The following DIS3L2 variants were observed in gnomAD, a reference collection of about 807,000 sequenced individuals.
The protein encoded by DIS3L2 is DIS3-like exonuclease 2.
Under a neutral mutation model 97.5 loss-of-function variants are expected in DIS3L2, and 34 were observed. The ratio of observed to expected loss-of-function variants is 0.35; its 90% CI spans 0.27 to 0.46. The LOEUF (loss-of-function observed/expected upper bound fraction) is 0.46. Ranked by LOEUF, DIS3L2 falls within the 20% of genes least tolerant of loss-of-function variation. DIS3L2 has a pLI of 1.00. For missense variants in DIS3L2, 1,038 were observed against 1,146.0 expected, an observed-to-expected ratio of 0.91 and a Z score of 1.36; for synonymous variants, 435 against 445.2, an observed-to-expected ratio of 0.98 and a Z score of 0.29.
intron 5 of DIS3L2, among the ~76,000 whole-genome samples, chr2:232,070,216 A>G (rs1695973514): frequency 6.6e-6 from 1 of 152,216 alleles, no homozygotes; most frequent in South Asian, 2.1e-4. Context: ...CAGTGAGCCA[A>G]GATCGTGCCA....
At chr2:231,989,699 G>C (rs1559519995) in intron 1 of DIS3L2, among the ~76,000 whole-genome samples, 2 of 152,144 alleles carry the variant, frequency 1.3e-5, no homozygotes, top group South Asian at 4.2e-4. Flanking sequence ...AGTGGGGTGT[G>C]GTGGTATACG....
chr2:232,155,298 T>G (rs1433882122), intron 8 of DIS3L2, among the ~76,000 whole-genome samples: 1 of 152,098 alleles, frequency 6.6e-6, no homozygotes, highest in African/African-American at 2.4e-5. Context: ...ATCAGGTCCA[T>G]CACTTCACTT....
chr2:232,018,328 C>T (rs1049140052), intron 3 of DIS3L2, among the ~76,000 whole-genome samples: 2 of 152,202 alleles, frequency 1.3e-5, no homozygotes, highest in Non-Finnish European at 2.9e-5. Flanking sequence ...GTGATTCCTT[C>T]TGGCCTGTGA....
Position 232,329,954 on chromosome 2 carries a change from G to A in DIS3L2, c.1881G>A (p.Gln627=), listed in dbSNP as rs1339574893. The change falls in exon 15 of 21, where the codon CAG becomes CAA. Residue 627 remains glutamine (Q), a synonymous_variant. Transcript: ENST00000325385. ...MLSDLVEFCD[Q]MGLPVDFSSA... ...GTGACCTGGTGGAATTCTGCGACCAGATGGGGCTGCCCGTGGACTTCAGCT... is the reference window on the plus strand; with the variant it reads ...GTGACCTGGTGGAATTCTGCGACCAAATGGGGCTGCCCGTGGACTTCAGCT... The A allele has an allele frequency of 5.6e-6, 9 of 1,613,024 alleles. No individual in the cohort carries two copies. The highest frequency in any genetic ancestry group is 5.3e-5 in the African/African-American group (4 of 74,926).
At chr2:232,228,073 T>G (rs1692694653) in intron 10 of DIS3L2, among the ~76,000 whole-genome samples, 1 of 152,126 alleles carries the variant, frequency 6.6e-6, no homozygotes, top group African/African-American at 2.4e-5. Context: ...TTCAAGCGAT[T>G]CTCCTGCCTC....
At chr2:232,134,007 A>G (rs1698289362) in intron 7 of DIS3L2, among the ~76,000 whole-genome samples, 2 of 151,318 alleles carry the variant, frequency 1.3e-5, no homozygotes, top group South Asian at 4.2e-4. Context: ...AAAAAATTAT[A>G]TAAAGGACCA....
At chr2:231,978,031 C>T (rs1351567060) in intron 1 of DIS3L2, among the ~76,000 whole-genome samples, 3 of 152,110 alleles carry the variant, frequency 2.0e-5, no homozygotes, top group Non-Finnish European at 4.4e-5. Context: ...TTGTTAACTC[C>T]TAGAAGGTGA....
In DIS3L2 at chr2:232,334,474, G is replaced by A. The variant is rs2106354412; in HGVS notation, c.2264G>A (p.Ser755Asn). The A allele has an allele frequency of 6.2e-7, 1 of 1,613,942 alleles. No individual in the cohort carries two copies. Among genetic ancestry groups the A allele is most frequent in the Non-Finnish European group, 8.5e-7 (1 of 1,180,006 alleles). ...ASKRVQELST[S>N]LFFAVLVKES... ...AAGCGCGTGCAGGAGCTCAGTACCA[G>A]TCTCTTCTTTGCTGTTCTGGTCAAG... Residue 755 changes from serine (S) to asparagine (N), a missense_variant, in exon 18 of 21, where the codon AGT becomes AAT. Physicochemically the swap from Ser to Asn is conservative, Grantham distance 46. Coordinates refer to ENST00000325385, the MANE Select transcript of DIS3L2 (RefSeq NM_152383.5).
chr2:232,330,326 T>C (rs1695698705), intron 15 of DIS3L2, among the ~76,000 whole-genome samples: 1 of 152,184 alleles, frequency 6.6e-6, no homozygotes, highest in Non-Finnish European at 1.5e-5. Context: ...CCGGGAATGT[T>C]CCTGGTGGGT....
intron 10 of DIS3L2, among the ~76,000 whole-genome samples, chr2:232,228,583 G>A (rs1204553029): frequency 6.6e-6 from 1 of 152,168 alleles, no homozygotes; most frequent in Non-Finnish European, 1.5e-5. Context: ...GAGCTTGCCT[G>A]CAAAGTGCTT....
chr2:232,136,564 C>G lies in DIS3L2; in HGVS notation c.795C>G (p.Tyr265Ter). The G allele has an allele frequency of 6.2e-7, 1 of 1,614,030 alleles. No homozygotes were observed. Among genetic ancestry groups the G allele is most frequent in the Non-Finnish European group, 8.5e-7 (1 of 1,179,978 alleles). The change falls in exon 8 of 21, where the codon TAC becomes TAG. Residue 265 changes from tyrosine (Y) to a stop codon, truncating the protein, a stop_gained. Transcript: ENST00000325385. LOFTEE classifies it high-confidence loss of function. The stretch of plus-strand genomic sequence containing the variant: ...AGAACAGCGAACTGTTTAGGAAATA[C>G]GCCCTGTTTTCTCCCTCAGACCACC... The part of the protein sequence containing the change: ...ADKNSELFRK[Y>*]ALFSPSDHRV...
chr2:231,961,801 A>G (rs925712184), intron 1 of DIS3L2, 36 bp downstream of exon 1: 1 of 152,616 alleles, frequency 6.6e-6, no homozygotes, highest in East Asian at 1.9e-4. Flanking sequence ...TGCACCGCCT[A>G]GTGCTGCACG....
At chr2:232,339,096 A>G (rs1247452659), downstream of DIS3L2, among the ~76,000 whole-genome samples, 2 of 152,208 alleles carry the variant, frequency 1.3e-5, no homozygotes, top group Non-Finnish European at 2.9e-5. Flanking sequence ...GCAGTGGCCC[A>G]GCCTGAGGAA....
chr2:232,014,352 T>A (rs1336054679), intron 1 of DIS3L2, among the ~76,000 whole-genome samples: 1 of 152,186 alleles, frequency 6.6e-6, no homozygotes. Flanking sequence ...TGACAATGAA[T>A]TAGGTTTTGT....
intron 6 of DIS3L2, among the ~76,000 whole-genome samples, chr2:232,096,620 T>G (rs1471472664): frequency 6.6e-6 from 1 of 152,162 alleles, no homozygotes; most frequent in Non-Finnish European, 1.5e-5. Flanking sequence ...TTATTCTTTT[T>G]TCTCTTGTCT....
chr2:232,116,776 T>C (rs1376070440), intron 6 of DIS3L2, among the ~76,000 whole-genome samples: 2 of 152,156 alleles, frequency 1.3e-5, no homozygotes, highest in Non-Finnish European at 2.9e-5. Context: ...ATTTTACAAT[T>C]GAAAACTGTC....
At chr2:232,135,257 G>C (rs1267596364) in intron 7 of DIS3L2, among the ~76,000 whole-genome samples, 1 of 152,162 alleles carries the variant, frequency 6.6e-6, no homozygotes, top group African/African-American at 2.4e-5. Flanking sequence ...GAGGCCAGGA[G>C]ATGATAATAA....
At chr2:232,044,944 T>C (rs958995746) in intron 5 of DIS3L2, among the ~76,000 whole-genome samples, 3 of 152,172 alleles carry the variant, frequency 2.0e-5, no homozygotes, top group Non-Finnish European at 4.4e-5. Context: ...AGAGTTGTTA[T>C]TTATTGCATG....
chr2:232,279,289 T>A (rs1694221772), intron 13 of DIS3L2, among the ~76,000 whole-genome samples: 1 of 152,186 alleles, frequency 6.6e-6, no homozygotes. Flanking sequence ...CAGTTTTTTA[T>A]TTGTTTTGTT....
Sources: gnomAD v4.1 joint callset for allele counts (sites outside exome capture counted in the v4.1 genomes callset) on GRCh38, gnomAD v4.1.1 for gene constraint, MANE v1.5 for transcripts, NCBI Gene and HGNC (gene_info 2026-07-23, HGNC 2026-07-21) for gene names.